Variants in KAZN observed in about 807,000 individuals in gnomAD.
The protein encoded by KAZN is kazrin, periplakin interacting protein.
In KAZN, 40 loss-of-function variants were observed where a neutral mutation model predicts 87.4. The ratio of observed to expected loss-of-function variants is 0.46; its 90% CI spans 0.36 to 0.60. KAZN has a LOEUF of 0.60. KAZN is among the 20% of genes least tolerant of loss of function. KAZN has a pLI of 0.00. For synonymous variants in KAZN, 466 were observed against 458.3 expected (o/e 1.02, Z -0.22); for missense variants, 898 against 1,073.9 (o/e 0.84, Z 2.29).
At chr1:14,011,999 A>G (rs1394380395) in intron 1 of KAZN, among the ~76,000 whole-genome samples, 1 of 152,102 alleles carries the variant, frequency 6.6e-6, no homozygotes, top group Non-Finnish European at 1.5e-5. Flanking sequence ...TGATTGAAGG[A>G]GGCTACTGGC....
At chr1:14,259,811 CACTTT>C (rs1389378174) in intron 2 of KAZN, among the ~76,000 whole-genome samples, 2 of 152,186 alleles carry the variant, frequency 1.3e-5, no homozygotes, top group African/African-American at 2.4e-5. Flanking sequence ...GACTTCATCC[CACTTT>C]ACTTTGTGAC....
chr1:14,121,703 T>C (rs1016070795), intron 1 of KAZN, among the ~76,000 whole-genome samples: 7 of 152,082 alleles, frequency 4.6e-5, no homozygotes, highest in Admixed American at 3.3e-4. Context: ...AAATAAAGAA[T>C]AAAAATAGCA....
intron 14 of KAZN, chr1:15,113,583 GATA>G (rs932709566): frequency 5.3e-5 from 8 of 152,174 alleles, no homozygotes; most frequent in Non-Finnish European, 1.2e-4. Context: ...TACTATGTGT[GATA>G]ATAATAGTCA....
chr1:14,807,126 G>T (rs1557510596), intron 1 of KAZN, among the ~76,000 whole-genome samples: 2 of 152,164 alleles, frequency 1.3e-5, no homozygotes, highest in Admixed American at 1.3e-4. Flanking sequence ...TTGAGAAGTG[G>T]GCCCAGCACA....
intron 1 of KAZN, among the ~76,000 whole-genome samples, chr1:13,911,536 A>G (rs962568869): frequency 5.9e-5 from 9 of 152,218 alleles, no homozygotes; most frequent in Middle Eastern, 3.2e-3. Flanking sequence ...AAACGATATC[A>G]GGAGAAACTA....
At chr1:14,419,857 G>A (rs551551116) in intron 2 of KAZN, among the ~76,000 whole-genome samples, 2 of 152,192 alleles carry the variant, frequency 1.3e-5, no homozygotes, top group South Asian at 2.1e-4. Flanking sequence ...CCTTTGCGGC[G>A]AGTATTACAG....
chr1:14,475,207 G>A (rs1668655823), intron 2 of KAZN, among the ~76,000 whole-genome samples: 1 of 152,262 alleles, frequency 6.6e-6, no homozygotes, highest in Non-Finnish European at 1.5e-5. Context: ...TGATGTGTGG[G>A]TGATGAAGTA....
At chr1:14,792,995 T>G (rs1455351597) in intron 1 of KAZN, among the ~76,000 whole-genome samples, 1 of 141,272 alleles carries the variant, frequency 7.1e-6, no homozygotes, top group Non-Finnish European at 1.5e-5. Flanking sequence ...AAAAAAACAT[T>G]CAGGACACAG....
At chr1:14,873,621 T>A (rs920419105) in intron 1 of KAZN, among the ~76,000 whole-genome samples, 1 of 152,172 alleles carries the variant, frequency 6.6e-6, no homozygotes, top group African/African-American at 2.4e-5. Context: ...TTGGAAGACT[T>A]TGCTTTCCTC....
chr1:15,107,114 G>T (rs1402591189), intron 13 of KAZN, among the ~76,000 whole-genome samples: 1 of 152,216 alleles, frequency 6.6e-6, no homozygotes, highest in South Asian at 2.1e-4. Context: ...TTCTGGAACT[G>T]ATCTCTCTCC....
chr1:14,497,187 C>G (rs1285952658), intron 2 of KAZN, among the ~76,000 whole-genome samples: 1 of 151,952 alleles, frequency 6.6e-6, no homozygotes, highest in South Asian at 2.1e-4. Context: ...ACCGACTTCA[C>G]CCTTTACACT....
At chr1:14,430,214 A>G (rs924703823) in intron 2 of KAZN, among the ~76,000 whole-genome samples, 1 of 92,238 alleles carries the variant, frequency 1.1e-5, no homozygotes, top group Non-Finnish European at 2.1e-5. Flanking sequence ...CCCTGCAACC[A>G]AAAAAAAAAA....
chr1:15,030,523 A>C (rs1372732369), intron 2 of KAZN, among the ~76,000 whole-genome samples: 1 of 152,168 alleles, frequency 6.6e-6, no homozygotes, highest in Non-Finnish European at 1.5e-5. Context: ...CGCCTCTCAA[A>C]GTGCTGGGAT....
intron 2 of KAZN, among the ~76,000 whole-genome samples, chr1:14,419,508 A>T (rs1665178343): frequency 6.6e-6 from 1 of 152,218 alleles, no homozygotes; most frequent in Non-Finnish European, 1.5e-5. Flanking sequence ...GTGTTAGGCC[A>T]GTTCCCTCTG....
chr1:14,155,182 G>T (rs150678101), intron 1 of KAZN, among the ~76,000 whole-genome samples: 1 of 151,708 alleles, frequency 6.6e-6, no homozygotes, highest in African/African-American at 2.4e-5. Context: ...TTTACTGGGA[G>T]AATTTTTATT....
chr1:14,216,327 A>G (rs1646955925), intron 2 of KAZN, among the ~76,000 whole-genome samples: 2 of 152,194 alleles, frequency 1.3e-5, no homozygotes, highest in Admixed American at 6.5e-5. Context: ...TAACAGTAAG[A>G]TCTAAAGGAG....
rs143984991 is a variant in KAZN at position 14,693,210 on chromosome 1, C to T, written c.226+93987C>T. Among the ~76,000 whole-genome samples the T allele has an allele frequency of 9.6e-4, 146 of 152,198 alleles. 1 individual carries two copies. In the East Asian group the frequency reaches 0.024, roughly 25 times the overall value. On this transcript the variant is annotated intron_variant, in intron 1 of 14. Coordinates refer to ENST00000376030, the MANE Select transcript of KAZN (RefSeq NM_201628.3). Reference sequence around the variant, plus strand: ...ACTTGGATAGGACAAAAGGACTGTCCGCCTCCTTATCACCTCCTTCGCATT... The same window carrying T: ...ACTTGGATAGGACAAAAGGACTGTCTGCCTCCTTATCACCTCCTTCGCATT...
At chr1:14,696,866 G>A (rs1247702569) in intron 1 of KAZN, among the ~76,000 whole-genome samples, 1 of 152,194 alleles carries the variant, frequency 6.6e-6, no homozygotes, top group Non-Finnish European at 1.5e-5. Flanking sequence ...GAACTGGCAG[G>A]AGAGAAAGGA....
At chr1:14,277,618 G>A (rs966298787) in intron 2 of KAZN, among the ~76,000 whole-genome samples, 14 of 150,516 alleles carry the variant, frequency 9.3e-5, no homozygotes, top group Non-Finnish European at 1.5e-4. Flanking sequence ...AGCCAAGATC[G>A]TGCCATTGCA....
Sources: allele counts gnomAD v4.1 joint callset (sites outside exome capture counted in the v4.1 genomes callset), GRCh38; gene constraint gnomAD v4.1.1; transcripts MANE v1.5; gene names NCBI Gene and HGNC (gene_info 2026-07-23, HGNC 2026-07-21).